The following L3MBTL4 variants were observed in gnomAD, a reference collection of about 807,000 sequenced individuals.
L3MBTL4 encodes lethal(3)malignant brain tumor-like protein 4.
L3MBTL4 carries 70 observed loss-of-function variants against 84.5 expected under a neutral mutation model. The observed-to-expected ratio is 0.83, with a 90% CI of 0.68 to 1.01. The LOEUF is 1.01. Among genes scored for constraint, L3MBTL4 ranks in the 50% least tolerant of loss-of-function variants. L3MBTL4 has a pLI of 0.00. For missense variants in L3MBTL4, 715 were observed against 754.8 expected, an observed-to-expected ratio of 0.95 and a Z score of 0.62; for synonymous variants, 274 against 259.8, an observed-to-expected ratio of 1.05 and a Z score of -0.52.
chr18:6,381,351 T>G (rs2054588483), intron 1 of L3MBTL4, among the ~76,000 whole-genome samples: 1 of 152,220 alleles, frequency 6.6e-6, no homozygotes, highest in Non-Finnish European at 1.5e-5. Flanking sequence ...AATATTCTTA[T>G]GTGTGAATTT....
chr18:6,115,866 T>G (rs2059341512), intron 14 of L3MBTL4, among the ~76,000 whole-genome samples: 1 of 152,086 alleles, frequency 6.6e-6, no homozygotes, highest in African/African-American at 2.4e-5. Context: ...CCACCTCAAG[T>G]CAATACAGAT....
intron 16 of L3MBTL4, among the ~76,000 whole-genome samples, chr18:6,070,711 A>T (rs1488660365): frequency 6.6e-6 from 1 of 152,062 alleles, no homozygotes; most frequent in Non-Finnish European, 1.5e-5. Context: ...GGTGGCACAC[A>T]CCTGTAGGCC....
At chr18:6,269,322 T>C (rs1323915759) in intron 4 of L3MBTL4, among the ~76,000 whole-genome samples, 1 of 151,662 alleles carries the variant, frequency 6.6e-6, no homozygotes, top group African/African-American at 2.4e-5. Flanking sequence ...CCAGGAATGG[T>C]GGTGGGTGCC....
At chr18:6,136,432 G>T (rs868765925) in intron 14 of L3MBTL4, among the ~76,000 whole-genome samples, 34 of 152,142 alleles carry the variant, frequency 2.2e-4, no homozygotes, top group African/African-American at 8.2e-4. Context: ...AGGACCAGAG[G>T]CTACTCCCTT....
Position 6,204,308 on chromosome 18 carries a change from G to C in L3MBTL4, c.981+8841C>G, listed in dbSNP as rs1272422977. Among the ~76,000 whole-genome samples the C allele has an allele frequency of 2.6e-5, 4 of 152,280 alleles. No homozygotes were observed. The South Asian group carries it at 6.2e-4, about 24-fold the overall frequency. ...TGGAGTCCTGGGCTGGAGAAGTTGG[G>C]AATGAGTCTTTACCAAGTAGCAGGA... On this transcript the variant is annotated intron_variant, in intron 12 of 18. Coordinates refer to ENST00000317931, the MANE Select transcript of L3MBTL4 (RefSeq NM_001330559.2).
At chr18:6,064,412 G>T (rs1287912281) in intron 16 of L3MBTL4, among the ~76,000 whole-genome samples, 1 of 151,968 alleles carries the variant, frequency 6.6e-6, no homozygotes, top group Non-Finnish European at 1.5e-5. Flanking sequence ...ATGGTATTTT[G>T]ATGGGAATTG....
Position 5,956,474 on chromosome 18 carries a change from T to A in L3MBTL4, c.1678-87A>T, listed in dbSNP as rs1242362241. The A allele has an allele frequency of 6.4e-6, 8 of 1,254,254 alleles. No homozygotes were observed. In the African/African-American group the frequency reaches 1.2e-4, roughly 19 times the overall value. The allele number at this position is 1,254,254 out of a possible 1,614,324, so 77.7% of individuals were successfully genotyped here. A position where few individuals can be genotyped will look rare whatever the true frequency, so the allele number is the denominator to read the frequency against. ...AGTAACACTTTGGTTCTGAGTGTGA[T>A]GTGGAACCCGTCATAGCCTCCGTGT... On this transcript the variant is annotated intron_variant, in intron 18 of 18. Coordinates refer to ENST00000317931, the MANE Select transcript of L3MBTL4 (RefSeq NM_001330559.2).
intron 1 of L3MBTL4, among the ~76,000 whole-genome samples, chr18:6,360,989 G>A (rs1410019391): frequency 6.9e-6 from 1 of 145,672 alleles, no homozygotes; most frequent in Non-Finnish European, 1.5e-5. Flanking sequence ...CTGCCCTCCA[G>A]CCTAGGCAAG....
chr18:6,060,774 AG>A (rs1004250052), intron 16 of L3MBTL4, among the ~76,000 whole-genome samples: 25 of 152,228 alleles, frequency 1.6e-4, no homozygotes, highest in Non-Finnish European at 2.8e-4. Context: ...TAGCCCTTTC[AG>A]GCTGGCTTCT....
chr18:6,155,895 G>A (rs7228441), intron 13 of L3MBTL4, among the ~76,000 whole-genome samples: 99,188 of 151,984 alleles, frequency 0.65, 34,218 homozygotes, highest in African/African-American at 0.88. Flanking sequence ...ACTTGACTCT[G>A]TGTTCATTCC....
chr18:6,168,037 C>G (rs1341909642), intron 13 of L3MBTL4, among the ~76,000 whole-genome samples: 6 of 152,048 alleles, frequency 3.9e-5, no homozygotes, highest in Admixed American at 2.6e-4. Context: ...CAATAACAGA[C>G]AAACAGAGAG....
At chr18:6,268,362 G>T (rs1368467468) in intron 4 of L3MBTL4, among the ~76,000 whole-genome samples, 1 of 152,114 alleles carries the variant, frequency 6.6e-6, no homozygotes, top group African/African-American at 2.4e-5. Flanking sequence ...AGCCGAGATG[G>T]CGCCATTGCA....
chr18:6,342,755 C>A (rs1009675480), intron 1 of L3MBTL4, among the ~76,000 whole-genome samples: 9 of 151,602 alleles, frequency 5.9e-5, no homozygotes, highest in African/African-American at 1.9e-4. Flanking sequence ...TTTTAAATTT[C>A]AATATAAATT....
At chr18:6,359,333 TA>T (rs1428041011) in intron 1 of L3MBTL4, among the ~76,000 whole-genome samples, 1 of 151,978 alleles carries the variant, frequency 6.6e-6, no homozygotes, top group Non-Finnish European at 1.5e-5. Context: ...TAATCCCAGC[TA>T]TTTGGGAGGC....
chr18:6,334,448 GT>G (rs954581616), intron 1 of L3MBTL4, among the ~76,000 whole-genome samples: 5 of 151,998 alleles, frequency 3.3e-5, no homozygotes, highest in African/African-American at 9.7e-5. Context: ...AGGTGACAAA[GT>G]TTTTTTAAAA....
At chr18:6,077,611 CAG>C (rs1278073992) in intron 16 of L3MBTL4, among the ~76,000 whole-genome samples, 3 of 151,640 alleles carry the variant, frequency 2.0e-5, no homozygotes, top group Non-Finnish European at 4.4e-5. Flanking sequence ...ATATAAAAAA[CAG>C]AATCTGCGTG....
intron 1 of L3MBTL4, among the ~76,000 whole-genome samples, chr18:6,333,143 A>T (rs981168429): frequency 3.3e-5 from 5 of 152,196 alleles, no homozygotes; most frequent in African/African-American, 1.2e-4. Context: ...GGCATTTAAA[A>T]TTTTAGGAAA....
chr18:6,103,389 A>T (rs552163009), intron 14 of L3MBTL4, among the ~76,000 whole-genome samples: 34 of 152,288 alleles, frequency 2.2e-4, no homozygotes, highest in African/African-American at 7.9e-4. Context: ...TTTTAATTGA[A>T]ATATTCTAGT....
chr18:5,970,915 C>T (rs949097477), intron 16 of L3MBTL4, among the ~76,000 whole-genome samples: 1 of 152,338 alleles, frequency 6.6e-6, no homozygotes, highest in East Asian at 1.9e-4. Context: ...TGCAACACCA[C>T]TCTCGTGGAT....
Sources: allele counts gnomAD v4.1 joint callset (sites outside exome capture counted in the v4.1 genomes callset), GRCh38; gene constraint gnomAD v4.1.1; transcripts MANE v1.5; gene names NCBI Gene and HGNC (gene_info 2026-07-23, HGNC 2026-07-21).